TTC6: variants seen among roughly 807,000 people sequenced by gnomAD.
TTC6 encodes the protein tetratricopeptide repeat domain 6.
In TTC6, 172 loss-of-function variants were observed where a neutral mutation model predicts 210.4. The ratio of observed to expected loss-of-function variants is 0.82; its 90% CI spans 0.72 to 0.93. The LOEUF is 0.93. TTC6 is among the 40% of genes least tolerant of loss of function. The pLI, the probability that TTC6 is intolerant of heterozygous loss-of-function variation, is 0.00. For synonymous variants in TTC6, 804 were observed against 819.6 expected, an observed-to-expected ratio of 0.98 and a Z score of 0.32; for missense variants, 2,414 against 2,318.1, an observed-to-expected ratio of 1.04 and a Z score of -0.85.
chr14:37,771,114 G>A (rs2096016904), intron 14 of TTC6, among the ~76,000 whole-genome samples: 1 of 151,504 alleles, frequency 6.6e-6, no homozygotes, highest in African/African-American at 2.4e-5. Flanking sequence ...TTTTCTTTAA[G>A]AATGTTGAAT....
At chr14:37,678,229 C>A (rs1412520084) in intron 1 of TTC6, among the ~76,000 whole-genome samples, 1 of 152,056 alleles carries the variant, frequency 6.6e-6, no homozygotes, top group East Asian at 1.9e-4. Context: ...CCACAGAAAC[C>A]TTTACTCAAG....
At chr14:37,764,014 T>C (rs949780043) in intron 14 of TTC6, among the ~76,000 whole-genome samples, 5 of 152,136 alleles carry the variant, frequency 3.3e-5, no homozygotes, top group African/African-American at 1.2e-4. Flanking sequence ...TGTCTCAAAG[T>C]ATTTTTTAAT....
At position 37,792,414 on chromosome 14, in the gene TTC6, G is replaced by A; in HGVS notation, c.3708G>A (p.Lys1236=). 4 of 1,486,618 alleles carry A rather than the reference G, an allele frequency of 2.7e-6. No homozygotes were observed. In the African/African-American group the frequency reaches 4.2e-5, roughly 16 times the overall value. The allele number at this position is 1,486,618 out of a possible 1,614,324, so 92.1% of individuals were successfully genotyped here. Reference sequence around the variant, plus strand: ...TTTGTCGGGCGGAAACCTATTTTAAGGTATTTAAGGCTCGAGAACCTTGAT... The same window carrying A: ...TTTGTCGGGCGGAAACCTATTTTAAAGTATTTAAGGCTCGAGAACCTTGAT... Residue 1236 remains lysine, a splice_region_variant and synonymous_variant, in exon 17 of 31, where the codon AAG becomes AAA. Transcript: ENST00000553443.
At chr14:37,603,862 T>C (rs953360753) in intron 1 of TTC6, among the ~76,000 whole-genome samples, 8 of 152,234 alleles carry the variant, frequency 5.3e-5, no homozygotes, top group African/African-American at 1.9e-4. Flanking sequence ...GAATCAGACC[T>C]GGATTCCAAT....
At chr14:37,703,228 G>C (rs2095828927) in intron 5 of TTC6, among the ~76,000 whole-genome samples, 1 of 152,022 alleles carries the variant, frequency 6.6e-6, no homozygotes, top group Non-Finnish European at 1.5e-5. Flanking sequence ...TTCACGCAAA[G>C]TGTTAGAAAT....
chr14:37,805,353 A>G (rs1033510597), intron 21 of TTC6, among the ~76,000 whole-genome samples: 1 of 151,872 alleles, frequency 6.6e-6, no homozygotes, highest in African/African-American at 2.4e-5. Context: ...TGATATGACA[A>G]ATATGTAAAA....
chr14:37,719,483 G>T (rs2095857910), intron 6 of TTC6, among the ~76,000 whole-genome samples: 1 of 151,608 alleles, frequency 6.6e-6, no homozygotes, highest in African/African-American at 2.4e-5. Flanking sequence ...AAGATGGTGT[G>T]GTCTTGGTGG....
chr14:37,792,263 G>C lies in TTC6; in HGVS notation c.3558-1G>C, dbSNP rs1456404533. Reference sequence around the variant, plus strand: ...GATTTCACTTTCTCATTTTTTTTTAGAACTATTACTTTGGCTTATGTAAAT... The same window carrying C: ...GATTTCACTTTCTCATTTTTTTTTACAACTATTACTTTGGCTTATGTAAAT... On this transcript the variant is annotated splice_acceptor_variant, in intron 16 of 30. Coordinates refer to ENST00000553443, the Ensembl canonical transcript of TTC6. LOFTEE classifies it high-confidence loss of function. 1 of 1,494,304 alleles carries C rather than the reference G, an allele frequency of 6.7e-7. No individual in the cohort carries two copies. Among genetic ancestry groups the C allele is most frequent in the Non-Finnish European group, 8.8e-7 (1 of 1,131,396 alleles). The allele number at this position is 1,494,304 out of a possible 1,614,324, so 92.6% of individuals were successfully genotyped here. A position where few individuals can be genotyped will look rare whatever the true frequency, so the allele number is the denominator to read the frequency against.
At chr14:37,818,865 G>C (rs955840741) in intron 26 of TTC6, among the ~76,000 whole-genome samples, 1 of 152,098 alleles carries the variant, frequency 6.6e-6, no homozygotes, top group Non-Finnish European at 1.5e-5. Context: ...TGATGTATTT[G>C]TTTTGGTGGG....
chr14:37,658,068 A>G (rs1304131895), intron 1 of TTC6, among the ~76,000 whole-genome samples: 4 of 152,228 alleles, frequency 2.6e-5, no homozygotes, highest in Admixed American at 6.5e-5. Context: ...AAAATCAAGG[A>G]TAGTATTTAG....
At chr14:37,783,977 T>G (rs1297466159) in intron 14 of TTC6, among the ~76,000 whole-genome samples, 1 of 152,242 alleles carries the variant, frequency 6.6e-6, no homozygotes, top group Non-Finnish European at 1.5e-5. Flanking sequence ...CTAGTTTGAT[T>G]GCACTGTGGT....
chr14:37,811,290 T>C (rs970487875), intron 24 of TTC6, among the ~76,000 whole-genome samples: 2 of 152,206 alleles, frequency 1.3e-5, no homozygotes, highest in African/African-American at 4.8e-5. Flanking sequence ...AGGTTTGGTT[T>C]TTTCTTTTTT....
At chr14:37,652,971 ATAACT>A (rs2095715715) in intron 1 of TTC6, among the ~76,000 whole-genome samples, 1 of 152,232 alleles carries the variant, frequency 6.6e-6, no homozygotes, top group Non-Finnish European at 1.5e-5. Context: ...TTTTCACGAA[ATAACT>A]TAATTTTTCT....
At chr14:37,695,861 AG>A (rs1168394326) in intron 3 of TTC6, among the ~76,000 whole-genome samples, 3 of 152,196 alleles carry the variant, frequency 2.0e-5, no homozygotes, top group Non-Finnish European at 4.4e-5. Flanking sequence ...AATTAAAAAA[AG>A]ATTTGATTAG....
At chr14:37,716,053 A>T (rs1310997803) in intron 6 of TTC6, among the ~76,000 whole-genome samples, 1 of 152,160 alleles carries the variant, frequency 6.6e-6, no homozygotes, top group African/African-American at 2.4e-5. Context: ...AAGACATACT[A>T]TAAATGGGAA....
At chr14:37,696,668 C>G in intron 3 of TTC6, 49 bp from the exon 6 acceptor site, 1 of 914,258 alleles carries the variant, frequency 1.1e-6, no homozygotes, top group Middle Eastern at 2.2e-4. Flanking sequence ...AAAGATCTAA[C>G]TCTCATGTTA....
intron 7 of TTC6, 130 bp from the exon 10 acceptor site, chr14:37,735,791 A>G: frequency 1.7e-6 from 1 of 581,114 alleles, no homozygotes; most frequent in Non-Finnish European, 2.9e-6. Context: ...GTTTTCTAGA[A>G]TTATACTACT....
Position 37,622,648 on chromosome 14 carries a change from C to T in TTC6, c.584C>T (p.Ala195Val), listed in dbSNP as rs934267508. Residue 195 changes from alanine (A) to valine (V), a missense_variant, in exon 1 of 31, where the codon GCA (alanine) becomes GTA (valine). By Grantham distance (64) the Ala-to-Val change is moderately conservative. Transcript: ENST00000553443. ...CAGAGCCAGGAGGTAGCTCCTCTCG[C>T]AGGGCCCTGCATGGCCAAAGAGAGG... 9.8e-6 allele frequency: 15 copies of T among 1,535,040 alleles called. No individual in the cohort carries two copies. In the African/African-American group the frequency reaches 1.2e-4, roughly 13 times the overall value.
At chr14:37,821,129 A>T (rs1340934811) in intron 26 of TTC6, among the ~76,000 whole-genome samples, 2 of 150,032 alleles carry the variant, frequency 1.3e-5, no homozygotes, top group African/African-American at 4.9e-5. Flanking sequence ...GTACAATGGC[A>T]TGATCTTGGC....
Sources: allele counts gnomAD v4.1 joint callset (sites outside exome capture counted in the v4.1 genomes callset), GRCh38; gene constraint gnomAD v4.1.1; transcripts MANE v1.5; gene names NCBI Gene and HGNC (gene_info 2026-07-23, HGNC 2026-07-21).